Variants in RB1 observed in about 807,000 individuals in gnomAD.
The protein encoded by RB1 is RB transcriptional corepressor 1.
Under a neutral mutation model 135.4 loss-of-function variants are expected in RB1, and 18 were observed. The ratio of observed to expected loss-of-function variants is 0.13; its 90% CI spans 0.09 to 0.20. The LOEUF (loss-of-function observed/expected upper bound fraction) is 0.20. RB1 is among the 10% of genes least tolerant of loss of function. The pLI is 1.00. For synonymous variants in RB1, 365 were observed against 373.2 expected, an observed-to-expected ratio of 0.98 and a Z score of 0.25; for missense variants, 868 against 1,110.0, an observed-to-expected ratio of 0.78 and a Z score of 3.10.
chr13:48,318,536 C>T, intron 2 of RB1: 1 of 848,448 alleles, frequency 1.2e-6, no homozygotes, highest in Non-Finnish European at 1.8e-6. Flanking sequence ...TGGCTGCGCC[C>T]TCCCCTCCCG....
At chr13:48,388,508 AT>A (rs1157928859) in intron 17 of RB1, among the ~76,000 whole-genome samples, 1 of 152,210 alleles carries the variant, frequency 6.6e-6, no homozygotes, top group Non-Finnish European at 1.5e-5. Context: ...CACTTCTTAA[AT>A]TTAATTTTCA....
At chr13:48,339,329 A>G (rs1157406878) in intron 2 of RB1, among the ~76,000 whole-genome samples, 2 of 152,172 alleles carry the variant, frequency 1.3e-5, no homozygotes, top group Non-Finnish European at 2.9e-5. Flanking sequence ...ACCCAGTTCA[A>G]GCTTCCTGGC....
chr13:48,334,520 G>C (rs1010632556), intron 2 of RB1, among the ~76,000 whole-genome samples: 1 of 152,080 alleles, frequency 6.6e-6, no homozygotes, highest in Non-Finnish European at 1.5e-5. Context: ...TGAACTATGC[G>C]TAAGGATATA....
intron 17 of RB1, among the ~76,000 whole-genome samples, chr13:48,392,167 G>A (rs1026302784): frequency 2.0e-5 from 3 of 151,810 alleles, no homozygotes; most frequent in Non-Finnish European, 4.4e-5. Flanking sequence ...CTGGAGTGCA[G>A]TGGCATGATC....
chr13:48,312,101 T>A (rs1952136270), intron 2 of RB1, among the ~76,000 whole-genome samples: 1 of 152,242 alleles, frequency 6.6e-6, no homozygotes, highest in Admixed American at 6.5e-5. Context: ...GTAATGTGCT[T>A]TTTTATCCAA....
At chr13:48,385,719 CTG>C (rs1948566433) in intron 17 of RB1, among the ~76,000 whole-genome samples, 1 of 152,148 alleles carries the variant, frequency 6.6e-6, no homozygotes. Context: ...TGAACTGAAA[CTG>C]GAGTTGCTGC....
intron 19 of RB1, among the ~76,000 whole-genome samples, chr13:48,458,101 G>T (rs995240856): frequency 6.6e-6 from 1 of 152,228 alleles, no homozygotes; most frequent in African/African-American, 2.4e-5. Flanking sequence ...CTCGGAAGGG[G>T]CGGGGTTCCT....
At chr13:48,326,444 T>G (rs1295034581) in intron 2 of RB1, among the ~76,000 whole-genome samples, 1 of 152,122 alleles carries the variant, frequency 6.6e-6, no homozygotes, top group Admixed American at 6.5e-5. Context: ...CTCTCCCAGC[T>G]TGACCTTAGG....
intron 20 of RB1, 26 bp downstream of exon 20, chr13:48,459,859 C>G (rs2138336658): frequency 8.2e-6 from 13 of 1,575,874 alleles, no homozygotes; most frequent in Non-Finnish European, 1.1e-5. Context: ...ACTTCACCTT[C>G]TCTCCTCCCT....
chr13:48,398,672 A>G (rs1305028116), intron 17 of RB1, among the ~76,000 whole-genome samples: 1 of 152,006 alleles, frequency 6.6e-6, no homozygotes, highest in Non-Finnish European at 1.5e-5. Flanking sequence ...CAAATTCCAT[A>G]CTGGTTTCTA....
At chr13:48,347,048 G>A (rs1337983501) in intron 4 of RB1, among the ~76,000 whole-genome samples, 1 of 151,350 alleles carries the variant, frequency 6.6e-6, no homozygotes, top group African/African-American at 2.4e-5. Context: ...TAGTAATTTC[G>A]ACTGGATGCT....
Position 48,303,791 on chromosome 13 carries a change from G to A in RB1, c.-122G>A, listed in dbSNP as rs2138026322. The A allele has an allele frequency of 7.1e-7, 1 of 1,401,962 alleles. No homozygotes were observed. The highest frequency in any genetic ancestry group is 1.3e-5 in the South Asian group (1 of 74,908). The allele number at this position is 1,401,962 out of a possible 1,614,324, so 86.8% of individuals were successfully genotyped here. ...GAGGGCGCGTCCGGTTTTTCTCAGGGGACGTTGAAATTATTTTTGTAACGG... is the reference window on the plus strand; with the variant it reads ...GAGGGCGCGTCCGGTTTTTCTCAGGAGACGTTGAAATTATTTTTGTAACGG... On this transcript the variant is annotated 5_prime_UTR_variant, in exon 1 of 27. Coordinates refer to ENST00000267163, the MANE Select transcript of RB1 (RefSeq NM_000321.3).
At chr13:48,390,727 G>A (rs140198900) in intron 17 of RB1, among the ~76,000 whole-genome samples, 312 of 152,106 alleles carry the variant, frequency 2.1e-3, no homozygotes, top group Admixed American at 6.3e-3. Context: ...TTTATCCCTC[G>A]TAATATTGTT....
At position 48,355,730 on chromosome 13, in the gene RB1, A is replaced by G. The variant is rs546322022; in HGVS notation, c.608-4287A>G. ...TGGTACATATACACAATGGAGTACTATTCAGCCATAAAAAAGAACAAGGTC... is the reference window on the plus strand; with the variant it reads ...TGGTACATATACACAATGGAGTACTGTTCAGCCATAAAAAAGAACAAGGTC... On this transcript the variant is annotated intron_variant, in intron 6 of 26. Transcript: ENST00000267163. 1.9e-4 allele frequency among the ~76,000 whole-genome samples: 29 copies of G among 152,246 alleles called. 2 individuals carry two copies. The highest frequency in any genetic ancestry group is 7.0e-4 in the African/African-American group (29 of 41,562).
At chr13:48,374,139 A>G (rs1230399139) in intron 12 of RB1, among the ~76,000 whole-genome samples, 2 of 152,056 alleles carry the variant, frequency 1.3e-5, no homozygotes, top group African/African-American at 2.4e-5. Flanking sequence ...TATTTAACCC[A>G]TTTTTATTTA....
chr13:48,360,256 A>T, intron 7 of RB1, 129 bp downstream of exon 7: 1 of 1,511,144 alleles, frequency 6.6e-7, no homozygotes, highest in Non-Finnish European at 8.8e-7. Flanking sequence ...GACTTTGCCC[A>T]TAAGTAGTGT....
chr13:48,322,287 G>A lies in RB1; in HGVS notation c.264+14881G>A, dbSNP rs553075252. ...CCATTGTTTATATATACTACATTTT[G>A]TTTATCCACTTCTCTGTTGACAGAC... On this transcript the variant is annotated intron_variant, in intron 2 of 26. Transcript: ENST00000267163. 3.4e-4 allele frequency among the ~76,000 whole-genome samples: 51 copies of A among 152,084 alleles called. 1 individual carries two copies. The highest frequency in any genetic ancestry group is 6.2e-4 in the Non-Finnish European group (42 of 67,992).
chr13:48,472,878 T>C (rs1468552484), intron 23 of RB1, among the ~76,000 whole-genome samples: 1 of 152,138 alleles, frequency 6.6e-6, no homozygotes, highest in Non-Finnish European at 1.5e-5. Context: ...ATGGTTCAAA[T>C]AAAGACAGAC....
intron 17 of RB1, among the ~76,000 whole-genome samples, chr13:48,384,659 G>A (rs1199824223): frequency 6.6e-6 from 1 of 152,134 alleles, no homozygotes; most frequent in Non-Finnish European, 1.5e-5. Context: ...GTTGTTGACT[G>A]AGGGAAATTT....
Sources: gnomAD v4.1 joint callset for allele counts (sites outside exome capture counted in the v4.1 genomes callset) on GRCh38, gnomAD v4.1.1 for gene constraint, MANE v1.5 for transcripts, NCBI Gene and HGNC (gene_info 2026-07-23, HGNC 2026-07-21) for gene names.